The following PCDHGC4 variants were observed in gnomAD, a reference collection of about 807,000 sequenced individuals.
PCDHGC4 encodes the protein protocadherin gamma subfamily C, 4, also known as protocadherin gamma-C4.
Under a neutral mutation model 59.7 loss-of-function variants are expected in PCDHGC4, and 15 were observed. The ratio of observed to expected loss-of-function variants is 0.25; its 90% CI spans 0.17 to 0.39. The LOEUF (loss-of-function observed/expected upper bound fraction) is 0.39, where lower values mean the gene tolerates loss of function less well. PCDHGC4 is among the 10% of genes least tolerant of loss of function. The probability of loss-of-function intolerance (pLI) is 1.00; values close to 1 mark genes in which losing one functional copy is unlikely to be tolerated. For synonymous variants in PCDHGC4, 434 were observed against 481.4 expected (o/e 0.90, Z 1.29); for missense variants, 1,016 against 1,189.5 (o/e 0.85, Z 2.15).
rs2099613082 is a variant in PCDHGC4, at chr5:141,485,421, C to T, written c.248C>T (p.Ala83Val). ...RHFRVDLDSG[A>V]LLIKNPIDRE... is the part of the protein sequence containing the mutation. ...TTCCGTGTGGATTTGGACAGCGGAG[C>T]CCTGCTCATCAAGAACCCAATCGAC... The change falls in exon 1 of 4, where the codon GCC (alanine) becomes GTC (valine). Residue 83 changes from alanine to valine, a missense_variant. By Grantham distance (64) the Ala-to-Val change is moderately conservative. Coordinates refer to ENST00000306593, the MANE Select transcript of PCDHGC4 (RefSeq NM_018928.3). The surrounding 1 kb of genome is among the most constrained non-coding windows in gnomAD (Gnocchi z 5.7). The T allele has an allele frequency of 6.2e-7, 1 of 1,614,112 alleles. No individual in the cohort carries two copies. Among genetic ancestry groups the T allele is most frequent in the Non-Finnish European group, 8.5e-7 (1 of 1,180,010 alleles).
intron 2 of PCDHGC4, 34 bp from the exon 3 acceptor site, chr5:141,505,359 G>T: frequency 1.9e-6 from 3 of 1,613,870 alleles, no homozygotes; most frequent in Non-Finnish European, 2.5e-6. Context: ...TGCCGGCCTG[G>T]GAGTCTGTGC....
At position 141,490,276 on chromosome 5, in the gene PCDHGC4, A is replaced by T; in HGVS notation, c.2442+2661A>T. 1 of 1,614,236 alleles carries T rather than the reference A, an allele frequency of 6.2e-7. No individual in the cohort carries two copies. Among genetic ancestry groups the T allele is most frequent in the Non-Finnish European group, 8.5e-7 (1 of 1,180,036 alleles). On this transcript the variant is annotated intron_variant, in intron 1 of 3. Transcript: ENST00000306593. This position sits in a 1 kb window ranked among gnomAD's most constrained non-coding sequence, Gnocchi z 5.4. ...AGTGGATGTGGGGGATGTCAATGACAATGCCCCAGAGGTGCTATTGGCCTC... is the reference window on the plus strand; with the variant it reads ...AGTGGATGTGGGGGATGTCAATGACTATGCCCCAGAGGTGCTATTGGCCTC...
chr5:141,496,338 G>A (rs1011495959), intron 2 of PCDHGC4, among the ~76,000 whole-genome samples: 5 of 152,230 alleles, frequency 3.3e-5, no homozygotes, highest in African/African-American at 9.6e-5. Flanking sequence ...TCAGGAGCCT[G>A]GAGGAGTCTC....
At chr5:141,497,201 G>A (rs1190666375) in intron 2 of PCDHGC4, among the ~76,000 whole-genome samples, 1 of 93,734 alleles carries the variant, frequency 1.1e-5, no homozygotes, top group African/African-American at 8.6e-5. Flanking sequence ...AGAACAATGT[G>A]AGTGTAATGG....
In PCDHGC4 at chr5:141,486,748, T is replaced by C; in HGVS notation, c.1575T>C (p.Tyr525=). ...TTCATGCTACTCGATCCTTTGACTA[T>C]GAGCAAACCCAGACACTGCAGTTTG... is the stretch of plus-strand genomic sequence containing the variant. ...GAVHATRSFD[Y]EQTQTLQFEV... Residue 525 remains tyrosine, a synonymous_variant, in exon 1 of 4, where the codon TAT becomes TAC. Coordinates refer to ENST00000306593, the MANE Select transcript of PCDHGC4 (RefSeq NM_018928.3). The surrounding 1 kb of genome is among the most constrained non-coding windows in gnomAD (Gnocchi z 5.0). 6.2e-7 allele frequency: 1 copy of C among 1,614,230 alleles called. No individual in the cohort carries two copies. The highest frequency in any genetic ancestry group is 8.5e-7 in the Non-Finnish European group (1 of 1,180,042).
At chr5:141,503,679 G>A (rs562303239) in intron 2 of PCDHGC4, among the ~76,000 whole-genome samples, 1 of 152,054 alleles carries the variant, frequency 6.6e-6, no homozygotes, top group East Asian at 1.9e-4. Context: ...CCACTTTTGG[G>A]AAGGAGAATT....
chr5:141,494,953 T>G, intron 2 of PCDHGC4, 88 bp downstream of exon 2: 1 of 1,604,164 alleles, frequency 6.2e-7, no homozygotes, highest in Non-Finnish European at 8.5e-7. Flanking sequence ...GCCCAGCATT[T>G]GCTACAGATG....
chr5:141,486,019 T>C lies in PCDHGC4; in HGVS notation c.846T>C (p.Ser282=), dbSNP rs2078071. 3.2e-3 allele frequency: 5,143 copies of C among 1,613,986 alleles called. 141 individuals carry two copies. In the South Asian group the frequency reaches 0.046, roughly 14 times the overall value. ...GPSGNVTFYF[S]GHTPDRVRNL... is the part of the protein sequence containing the mutation. ...GTGGTAACGTCACCTTTTATTTCAG[T>C]GGTCATACCCCTGATCGTGTAAGAA... Residue 282 remains serine, a synonymous_variant, in exon 1 of 4, where the codon AGT becomes AGC. Transcript: ENST00000306593. The surrounding 1 kb of genome is among the most constrained non-coding windows in gnomAD (Gnocchi z 5.0).
rs375127524 is a variant in PCDHGC4, at chr5:141,490,702, C to G, written c.2442+3087C>G. ...AGATCCAGACACTGGGGATAATGCCCGCCTCACCTACTCCATTGTAGGAAA... is the reference window on the plus strand; with the variant it reads ...AGATCCAGACACTGGGGATAATGCCGGCCTCACCTACTCCATTGTAGGAAA... On this transcript the variant is annotated intron_variant, in intron 1 of 3. Coordinates refer to ENST00000306593, the MANE Select transcript of PCDHGC4 (RefSeq NM_018928.3). This position sits in a 1 kb window ranked among gnomAD's most constrained non-coding sequence, Gnocchi z 5.4. The G allele has an allele frequency of 1.2e-6, 2 of 1,614,060 alleles. No homozygotes were observed. Among genetic ancestry groups the G allele is most frequent in the Admixed American group, 1.7e-5 (1 of 60,008 alleles).
intron 2 of PCDHGC4, among the ~76,000 whole-genome samples, chr5:141,504,359 A>C (rs988295720): frequency 2.6e-5 from 4 of 152,044 alleles, no homozygotes; most frequent in African/African-American, 9.7e-5. Flanking sequence ...TAGGTGCTTC[A>C]GTAGGAAGCA....
Position 141,489,600 on chromosome 5 carries a change from G to A in PCDHGC4, c.2442+1985G>A, listed in dbSNP as rs1407225048. 8.1e-6 allele frequency: 13 copies of A among 1,614,034 alleles called. No homozygotes were observed. Among genetic ancestry groups the A allele is most frequent in the Non-Finnish European group, 1.1e-5 (13 of 1,179,962 alleles). ...ACCCCCTGGAGCTAATCCGTGTAGA[G>A]GTAGAGATCCTGGATCTCAATGACA... On this transcript the variant is annotated intron_variant, in intron 1 of 3. Transcript: ENST00000306593. This position sits in a 1 kb window ranked among gnomAD's most constrained non-coding sequence, Gnocchi z 4.5.
At chr5:141,505,536 C>T (rs749205049) in intron 3 of PCDHGC4, 55 bp downstream of exon 3, 9 of 1,610,164 alleles carry the variant, frequency 5.6e-6, no homozygotes, top group Non-Finnish European at 7.6e-6. Context: ...TTCTGGGGTG[C>T]ATCTCACAGC....
Position 141,491,925 on chromosome 5 carries a change from G to C in PCDHGC4, c.2443-2882G>C. On this transcript the variant is annotated intron_variant, in intron 1 of 3. Coordinates refer to ENST00000306593, the MANE Select transcript of PCDHGC4 (RefSeq NM_018928.3). This position sits in a 1 kb window ranked among gnomAD's most constrained non-coding sequence, Gnocchi z 6.9. ...GGGTGGTGGCGACTGTGGGCGAGGG[G>C]AGGTGGGACCGACCCCCACCCCTAC... 1 of 1,325,176 alleles carries C rather than the reference G, an allele frequency of 7.5e-7. No individual in the cohort carries two copies. Among genetic ancestry groups the C allele is most frequent in the Non-Finnish European group, 1.0e-6 (1 of 987,300 alleles). The allele number at this position is 1,325,176 out of a possible 1,614,324, so 82.1% of individuals were successfully genotyped here.
chr5:141,489,470 T>C lies in PCDHGC4; in HGVS notation c.2442+1855T>C, dbSNP rs1030378524. 1 of 1,613,874 alleles carries C rather than the reference T, an allele frequency of 6.2e-7. No homozygotes were observed. The highest frequency in any genetic ancestry group is 8.5e-7 in the Non-Finnish European group (1 of 1,179,838). ...GAGGAGAATGGGCGCTATTTTTCCCTGAGCTTGATGAGTGGTGCCCTGGCA... is the reference window on the plus strand; with the variant it reads ...GAGGAGAATGGGCGCTATTTTTCCCCGAGCTTGATGAGTGGTGCCCTGGCA... On this transcript the variant is annotated intron_variant, in intron 1 of 3. Transcript: ENST00000306593. This position sits in a 1 kb window ranked among gnomAD's most constrained non-coding sequence, Gnocchi z 4.5.
rs189767695 is a variant in PCDHGC4, at chr5:141,497,247, T to C, written c.2501+2382T>C. Among the ~76,000 whole-genome samples the C allele has an allele frequency of 2.0e-5, 3 of 151,456 alleles. No individual in the cohort carries two copies. The East Asian group carries it at 5.8e-4, about 29-fold the overall frequency. ...ATCAGAGAAGGCTTCTAGGAGGAGGTGACATTGAGAAGTTCTAGGCCATTT... is the reference window on the plus strand; with the variant it reads ...ATCAGAGAAGGCTTCTAGGAGGAGGCGACATTGAGAAGTTCTAGGCCATTT... On this transcript the variant is annotated intron_variant, in intron 2 of 3. Transcript: ENST00000306593.
rs376937850 is a variant in PCDHGC4 at position 141,491,097 on chromosome 5, C to T, written c.2442+3482C>T. The T allele has an allele frequency of 1.2e-6, 2 of 1,614,170 alleles. No homozygotes were observed. Among genetic ancestry groups the T allele is most frequent in the Non-Finnish European group, 1.7e-6 (2 of 1,180,018 alleles). On this transcript the variant is annotated intron_variant, in intron 1 of 3. Coordinates refer to ENST00000306593, the MANE Select transcript of PCDHGC4 (RefSeq NM_018928.3). The surrounding 1 kb of genome is among the most constrained non-coding windows in gnomAD (Gnocchi z 6.9). ...CACAGTCCACAGCCCCAGGACTGTT[C>T]CTCGTGTCTACACACACTGGTGAGG...
At position 141,485,227 on chromosome 5, in the gene PCDHGC4, G is replaced by C. The variant is rs2099609828; in HGVS notation, c.54G>C (p.Leu18Phe). 1 of 1,614,186 alleles carries C rather than the reference G, an allele frequency of 6.2e-7. No individual in the cohort carries two copies. Among genetic ancestry groups the C allele is most frequent in the Non-Finnish European group, 8.5e-7 (1 of 1,180,020 alleles). Residue 18 changes from leucine (L) to phenylalanine (F), a missense_variant, in exon 1 of 4, where the codon TTG becomes TTC. Physicochemically the swap from Leu to Phe is conservative, Grantham distance 22 (BLOSUM62 0). Transcript: ENST00000306593. The surrounding 1 kb of genome is among the most constrained non-coding windows in gnomAD (Gnocchi z 5.7). The stretch of plus-strand genomic sequence containing the variant: ...AAATCTGGCGGTGGGCTACCCTTTT[G>C]TTCCTCTTTTACCACCTGGGTTACG... ...WTEIWRWATL[L>F]FLFYHLGYVC...
intron 3 of PCDHGC4, among the ~76,000 whole-genome samples, chr5:141,510,092 T>C (rs973542449): frequency 6.6e-6 from 1 of 152,138 alleles, no homozygotes; most frequent in South Asian, 2.1e-4. Flanking sequence ...TGGCACACAG[T>C]AGGTGCTCAA....
intron 3 of PCDHGC4, 73 bp from the exon 4 acceptor site, chr5:141,510,874 G>A (rs1419164967): frequency 3.7e-6 from 6 of 1,610,008 alleles, no homozygotes; most frequent in Admixed American, 1.7e-5. Context: ...TTCATTAACT[G>A]CTGGGGATAT....
Sources: allele counts gnomAD v4.1 joint callset (sites outside exome capture counted in the v4.1 genomes callset), GRCh38; gene constraint gnomAD v4.1.1; non-coding constraint Gnocchi (gnomAD v3.1); transcripts MANE v1.5; gene names NCBI Gene and HGNC (gene_info 2026-07-23, HGNC 2026-07-21).